The following PPFIBP2 variants were observed in gnomAD, a reference collection of about 807,000 sequenced individuals.
The protein encoded by PPFIBP2 is PPFIB scaffold protein 2.
Under a neutral mutation model 118.3 loss-of-function variants are expected in PPFIBP2, and 118 were observed. That is an observed-to-expected ratio of 1.00 (90% CI 0.86 to 1.16). PPFIBP2 has a LOEUF of 1.16. Among genes scored for constraint, PPFIBP2 ranks in the 50% most tolerant of loss-of-function variants. The probability of loss-of-function intolerance (pLI) is 0.00; values close to 1 mark genes in which losing one functional copy is unlikely to be tolerated. For synonymous variants in PPFIBP2, 414 were observed against 397.4 expected (o/e 1.04, Z -0.50); for missense variants, 1,195 against 1,073.1 (o/e 1.11, Z -1.59).
chr11:7,651,843 G>T lies in PPFIBP2; in HGVS notation c.2435G>T (p.Arg812Leu). ...CCACTGACCACCACAGCCAAAGTCC[G>T]GGTGAGTTGCAGAGCCTTTCTGGGT... ...YTPLTTTAKVRPRKLGFSHFG... is the reference protein window; with the variant it reads ...YTPLTTTAKVLPRKLGFSHFG... Residue 812 changes from arginine (R) to leucine (L), a missense_variant and splice_region_variant, in exon 23 of 24, where the codon CGG (arginine) becomes CTG (leucine). Arg to Leu is a moderately radical substitution (Grantham distance 102, BLOSUM62 -2). Transcript: ENST00000299492. 2 of 1,607,616 alleles carry T rather than the reference G, an allele frequency of 1.2e-6. No individual in the cohort carries two copies. The highest frequency in any genetic ancestry group is 1.7e-6 in the Non-Finnish European group (2 of 1,174,902).
At position 7,634,853 on chromosome 11, in the gene PPFIBP2, G is replaced by T. The variant is rs1180490939; in HGVS notation, c.1194+301G>T. 3.3e-5 allele frequency among the ~76,000 whole-genome samples: 5 copies of T among 152,198 alleles called. No individual in the cohort carries two copies. The East Asian group carries it at 9.6e-4, about 29-fold the overall frequency. On this transcript the variant is annotated intron_variant, in intron 13 of 23. Coordinates refer to ENST00000299492, the MANE Select transcript of PPFIBP2 (RefSeq NM_003621.5). Reference sequence around the variant, plus strand: ...TTTGGAAGATGGTGGAGAGTAGGAGGAGGTAAGGTCAGAGCCATGAGACAG... The same window carrying T: ...TTTGGAAGATGGTGGAGAGTAGGAGTAGGTAAGGTCAGAGCCATGAGACAG...
At chr11:7,639,700 G>A (rs768860214) in intron 14 of PPFIBP2, 32 bp from the exon 15 acceptor site, 13 of 1,613,100 alleles carry the variant, frequency 8.1e-6, no homozygotes, top group African/African-American at 4.0e-5. Flanking sequence ...CAGTTAAGTC[G>A]GTATCTCTCT....
chr11:7,540,449 G>A (rs1851663544), intron 1 of PPFIBP2, among the ~76,000 whole-genome samples: 1 of 152,138 alleles, frequency 6.6e-6, no homozygotes, highest in South Asian at 2.1e-4. Flanking sequence ...TTTTATCTTG[G>A]TGACCATGGG....
intron 5 of PPFIBP2, among the ~76,000 whole-genome samples, chr11:7,609,091 G>A (rs183096359): frequency 1.3e-3 from 197 of 152,312 alleles, no homozygotes; most frequent in Non-Finnish European, 2.3e-3. Context: ...ACCTTTCCCA[G>A]GTAGGCTGTT....
intron 2 of PPFIBP2, among the ~76,000 whole-genome samples, chr11:7,554,634 A>G (rs1210821021): frequency 1.2e-4 from 19 of 152,132 alleles, no homozygotes; most frequent in Non-Finnish European, 1.5e-5. Flanking sequence ...CCACGGTGCG[A>G]TGGCCTTTGT....
At chr11:7,550,097 C>T (rs1333422604) in intron 2 of PPFIBP2, among the ~76,000 whole-genome samples, 1 of 152,184 alleles carries the variant, frequency 6.6e-6, no homozygotes, top group African/African-American at 2.4e-5. Flanking sequence ...AAAGATCTAG[C>T]AAAGCTGTGG....
At chr11:7,574,818 TG>T (rs1229422126) in intron 3 of PPFIBP2, among the ~76,000 whole-genome samples, 1 of 152,090 alleles carries the variant, frequency 6.6e-6, no homozygotes, top group Non-Finnish European at 1.5e-5. Context: ...CTAGGTCTTT[TG>T]GGGTGTTAAT....
chr11:7,634,367 G>A (rs1303208837), intron 12 of PPFIBP2, 128 bp from the exon 13 acceptor site: 4 of 711,462 alleles, frequency 5.6e-6, no homozygotes, highest in Non-Finnish European at 7.3e-6. Flanking sequence ...ATTATGAGAG[G>A]GTATTTTTTT....
intron 5 of PPFIBP2, among the ~76,000 whole-genome samples, chr11:7,606,243 G>A (rs2135436010): frequency 6.6e-6 from 1 of 152,316 alleles, no homozygotes; most frequent in South Asian, 2.1e-4. Flanking sequence ...AAATGACGGG[G>A]AAGAATGTGT....
intron 14 of PPFIBP2, among the ~76,000 whole-genome samples, 154 bp from the exon 15 acceptor site, chr11:7,639,578 T>C (rs1565105189): frequency 6.6e-6 from 1 of 152,214 alleles, no homozygotes; most frequent in Non-Finnish European, 1.5e-5. Context: ...TGGTCCCCTT[T>C]CTCGGACTAG....
At position 7,651,685 on chromosome 11, in the gene PPFIBP2, C is replaced by G; in HGVS notation, c.2277C>G (p.Thr759=). The G allele has an allele frequency of 1.2e-6, 2 of 1,612,656 alleles. No homozygotes were observed. Among genetic ancestry groups the G allele is most frequent in the Non-Finnish European group, 8.5e-7 (1 of 1,178,904 alleles). The change falls in exon 23 of 24, where the codon ACC becomes ACG. Residue 759 remains threonine (T), a synonymous_variant. Coordinates refer to ENST00000299492, the MANE Select transcript of PPFIBP2 (RefSeq NM_003621.5). ...TGGAGCCACGCTTCACTGGGGACAC[C>G]CTGGCTATGCTTCTCAACATCCCCC... ...IILEPRFTGD[T]LAMLLNIPPQ... is the part of the protein sequence containing the mutation.
At chr11:7,611,839 C>T (rs1403816101) in intron 6 of PPFIBP2, among the ~76,000 whole-genome samples, 1 of 152,198 alleles carries the variant, frequency 6.6e-6, no homozygotes, top group Non-Finnish European at 1.5e-5. Flanking sequence ...ACATTATTTA[C>T]ATATTGCAAA....
At chr11:7,612,431 G>A (rs1212634277) in intron 6 of PPFIBP2, among the ~76,000 whole-genome samples, 4 of 152,198 alleles carry the variant, frequency 2.6e-5, no homozygotes, top group Non-Finnish European at 4.4e-5. Flanking sequence ...GAATATGAAA[G>A]TCAGCCCGTG....
At chr11:7,551,321 G>A (rs1852966535) in intron 2 of PPFIBP2, among the ~76,000 whole-genome samples, 1 of 152,128 alleles carries the variant, frequency 6.6e-6, no homozygotes, top group Non-Finnish European at 1.5e-5. Context: ...CGAGTCCCTG[G>A]CAGACCTCTT....
At chr11:7,665,993 T>G in the PPFIBP2 span, 1 of 1,303,268 alleles carries the variant, frequency 7.7e-7, no homozygotes, top group South Asian at 1.3e-5. Flanking sequence ...GCCTGTGGGG[T>G]GCTCTGTGCA....
chr11:7,537,548 T>A (rs1416876511), intron 1 of PPFIBP2, among the ~76,000 whole-genome samples: 6 of 152,236 alleles, frequency 3.9e-5, no homozygotes, highest in Admixed American at 3.9e-4. Flanking sequence ...TCTTCACATC[T>A]TAGCCTTGAA....
chr11:7,562,898 T>C lies in PPFIBP2; in HGVS notation c.65-2655T>C, dbSNP rs369867399. ...GGTTTTGTTAAAGTAATAAAAGAAATATAAGTTTCAAAGAAATAGAAATTA... is the reference window on the plus strand; with the variant it reads ...GGTTTTGTTAAAGTAATAAAAGAAACATAAGTTTCAAAGAAATAGAAATTA... On this transcript the variant is annotated intron_variant, in intron 2 of 23. Coordinates refer to ENST00000299492, the MANE Select transcript of PPFIBP2 (RefSeq NM_003621.5). Among the ~76,000 whole-genome samples, 17 of 145,668 alleles carry C rather than the reference T, an allele frequency of 1.2e-4. No homozygotes were observed. In the South Asian group the frequency reaches 3.5e-3, roughly 30 times the overall value.
At chr11:7,647,836 G>A (rs1461149672) in intron 17 of PPFIBP2, among the ~76,000 whole-genome samples, 2 of 152,136 alleles carry the variant, frequency 1.3e-5, no homozygotes, top group African/African-American at 4.8e-5. Context: ...TAGTACTGAT[G>A]AAAAATATAT....
At chr11:7,604,514 ACACACCCTC>A (rs1847097785) in intron 5 of PPFIBP2, among the ~76,000 whole-genome samples, 2 of 149,484 alleles carry the variant, frequency 1.3e-5, no homozygotes, top group South Asian at 4.3e-4. Flanking sequence ...ATACACACAG[ACACACCCTC>A]CACACACCTA....
Sources: allele counts gnomAD v4.1 joint callset (sites outside exome capture counted in the v4.1 genomes callset), GRCh38; gene constraint gnomAD v4.1.1; transcripts MANE v1.5; gene names NCBI Gene and HGNC (gene_info 2026-07-23, HGNC 2026-07-21).